Variants in APBB2 observed in about 807,000 individuals in gnomAD.
APBB2 encodes the protein amyloid beta precursor protein binding family B member 2.
In APBB2, 38 loss-of-function variants were observed where a neutral mutation model predicts 82.5. The ratio of observed to expected loss-of-function variants is 0.46; its 90% CI spans 0.36 to 0.60. The LOEUF is 0.60. APBB2 is among the 20% of genes least tolerant of loss of function. The probability of loss-of-function intolerance (pLI) is 0.00; values close to 1 mark genes in which losing one functional copy is unlikely to be tolerated. For missense variants in APBB2, 772 were observed against 972.3 expected (o/e 0.79, Z 2.74); for synonymous variants, 341 against 368.2 (o/e 0.93, Z 0.85).
intron 12 of APBB2, among the ~76,000 whole-genome samples, chr4:40,843,773 A>G (rs1049168040): frequency 1.3e-5 from 2 of 152,234 alleles, no homozygotes; most frequent in Non-Finnish European, 2.9e-5. Flanking sequence ...CCTAACAGTA[A>G]CTGGACAAGG....
chr4:41,098,947 A>T (rs1207825953), intron 3 of APBB2, among the ~76,000 whole-genome samples: 1 of 152,228 alleles, frequency 6.6e-6, no homozygotes, highest in African/African-American at 2.4e-5. Flanking sequence ...TACAACACAC[A>T]ATTACAACAT....
chr4:41,101,883 C>T (rs911186485), intron 2 of APBB2, among the ~76,000 whole-genome samples: 5 of 151,266 alleles, frequency 3.3e-5, no homozygotes, highest in Admixed American at 6.6e-5. Context: ...CGCTTGAACC[C>T]GGGAGGCGGA....
chr4:40,947,328 G>A (rs1416343864), intron 6 of APBB2, among the ~76,000 whole-genome samples: 1 of 152,220 alleles, frequency 6.6e-6, no homozygotes, highest in East Asian at 1.9e-4. Context: ...TACCATTTCT[G>A]TGGTTTATGA....
chr4:40,950,676 T>C (rs1789879466), intron 6 of APBB2, among the ~76,000 whole-genome samples: 1 of 152,082 alleles, frequency 6.6e-6, no homozygotes, highest in Admixed American at 6.5e-5. Context: ...TGAAACCCCG[T>C]CTCTATAAAT....
At chr4:40,914,538 G>T (rs1425105661) in intron 10 of APBB2, among the ~76,000 whole-genome samples, 2 of 152,188 alleles carry the variant, frequency 1.3e-5, no homozygotes, top group Non-Finnish European at 2.9e-5. Context: ...GGCAACAAGA[G>T]TGAAACTCCA....
chr4:41,170,442 T>G (rs749209258), intron 1 of APBB2, among the ~76,000 whole-genome samples: 3 of 152,186 alleles, frequency 2.0e-5, no homozygotes, highest in Admixed American at 6.5e-5. Context: ...AGAAGGGTGA[T>G]ATGCTCTGAG....
chr4:41,111,764 G>A (rs1749276064), intron 2 of APBB2, among the ~76,000 whole-genome samples: 1 of 152,200 alleles, frequency 6.6e-6, no homozygotes, highest in South Asian at 2.1e-4. Context: ...GGATAGAACA[G>A]GTTGGTGAAT....
At chr4:40,847,368 G>A (rs114151944) in intron 12 of APBB2, among the ~76,000 whole-genome samples, 5 of 152,132 alleles carry the variant, frequency 3.3e-5, no homozygotes, top group South Asian at 2.1e-4. Context: ...AGGCTGAGAC[G>A]TGAGAATCAC....
At chr4:41,086,097 A>C (rs1287153341) in intron 3 of APBB2, among the ~76,000 whole-genome samples, 3 of 152,168 alleles carry the variant, frequency 2.0e-5, no homozygotes, top group African/African-American at 7.2e-5. Context: ...ATTCCTAAAC[A>C]CAAAACTTAC....
At chr4:40,836,505 A>G (rs191613160) in intron 12 of APBB2, among the ~76,000 whole-genome samples, 1 of 151,866 alleles carries the variant, frequency 6.6e-6, no homozygotes, top group South Asian at 2.1e-4. Context: ...CAAACAAACA[A>G]AAAACATGTC....
chr4:40,870,023 T>G lies in APBB2; in HGVS notation c.1529+20341A>C, dbSNP rs539457997. The stretch of plus-strand genomic sequence containing the variant: ...ATGGAAGAGAGAAAAAACATTCAAG[T>G]GTCTAAAAACTTAGGTACCAAATCA... On this transcript the variant is annotated intron_variant, in intron 12 of 17. Coordinates refer to ENST00000508593, the MANE Select transcript of APBB2 (RefSeq NM_004307.2). Among the ~76,000 whole-genome samples, 8 of 152,008 alleles carry G rather than the reference T, an allele frequency of 5.3e-5. No homozygotes were observed. In the East Asian group the frequency reaches 1.6e-3, roughly 30 times the overall value.
intron 2 of APBB2, among the ~76,000 whole-genome samples, chr4:41,131,447 T>A (rs1053315970): frequency 3.3e-5 from 5 of 152,190 alleles, no homozygotes; most frequent in African/African-American, 1.2e-4. Context: ...TAAATATCAA[T>A]TACATACAAA....
chr4:40,851,738 A>ATATATATATATATTT (rs1192919460), intron 12 of APBB2, among the ~76,000 whole-genome samples: 158 of 67,674 alleles, frequency 2.3e-3, no homozygotes, highest in Non-Finnish European at 4.6e-3. Flanking sequence ...ATATATATAT[A>ATATATATATATATTT]TTTTTTTTTT....
chr4:40,953,304 A>AG, intron 6 of APBB2, among the ~76,000 whole-genome samples: 1 of 151,634 alleles, frequency 6.6e-6, no homozygotes, highest in Non-Finnish European at 1.5e-5. Context: ...CTCAAAAAAA[A>AG]AAAAAAAAAG....
At chr4:41,114,756 A>G (rs868712544) in intron 2 of APBB2, among the ~76,000 whole-genome samples, 59 of 152,308 alleles carry the variant, frequency 3.9e-4, no homozygotes, top group Middle Eastern at 3.4e-3. Flanking sequence ...CTAGGAATCC[A>G]ACTTACAAGG....
chr4:40,989,509 C>G (rs773198642), intron 6 of APBB2, among the ~76,000 whole-genome samples: 1 of 148,670 alleles, frequency 6.7e-6, no homozygotes, highest in Non-Finnish European at 1.5e-5. Context: ...TTTAATTTCC[C>G]TTGAGTAGAA....
chr4:41,190,807 A>C (rs559857963), intron 1 of APBB2, among the ~76,000 whole-genome samples: 1 of 152,198 alleles, frequency 6.6e-6, no homozygotes, highest in Non-Finnish European at 1.5e-5. Context: ...GCGCCATACA[A>C]AGTAAAACAC....
intron 1 of APBB2, among the ~76,000 whole-genome samples, chr4:41,210,850 G>C (rs1779138819): frequency 6.6e-6 from 1 of 152,184 alleles, no homozygotes; most frequent in African/African-American, 2.4e-5. Context: ...GTGAAATCAC[G>C]AGCATCTACC....
At chr4:40,918,676 C>T (rs1780447612) in intron 10 of APBB2, among the ~76,000 whole-genome samples, 1 of 151,292 alleles carries the variant, frequency 6.6e-6, no homozygotes, top group Non-Finnish European at 1.5e-5. Flanking sequence ...TTTCTTTTTC[C>T]TTCCTTCCTT....
Sources: gnomAD v4.1 joint callset for allele counts (sites outside exome capture counted in the v4.1 genomes callset) on GRCh38, gnomAD v4.1.1 for gene constraint, MANE v1.5 for transcripts, NCBI Gene and HGNC (gene_info 2026-07-23, HGNC 2026-07-21) for gene names.